The following WDPCP variants were observed in gnomAD, a reference collection of about 807,000 sequenced individuals.
WDPCP encodes WD repeat containing planar cell polarity effector.
WDPCP carries 71 observed loss-of-function variants against 93.1 expected under a neutral mutation model. The ratio of observed to expected loss-of-function variants is 0.76; its 90% CI spans 0.63 to 0.93. The LOEUF (loss-of-function observed/expected upper bound fraction) is 0.93. WDPCP is among the 40% of genes least tolerant of loss of function. The pLI is 0.00. For missense variants in WDPCP, 844 were observed against 887.4 expected (o/e 0.95, Z 0.62); for synonymous variants, 315 against 315.0 (o/e 1.00, Z 0.00).
chr2:63,284,826 C>G (rs1683858886), intron 13 of WDPCP, among the ~76,000 whole-genome samples: 1 of 152,122 alleles, frequency 6.6e-6, no homozygotes, highest in African/African-American at 2.4e-5. Context: ...CTGCAGTTGA[C>G]TGTGGGTAAC....
At chr2:63,821,982 T>G (rs1355185630) in intron 1 of WDPCP, among the ~76,000 whole-genome samples, 1 of 152,130 alleles carries the variant, frequency 6.6e-6, no homozygotes, top group African/African-American at 2.4e-5. Flanking sequence ...GGATTACGAT[T>G]GTTGAGATAT....
At chr2:63,168,863 G>C (rs1004095178) in intron 15 of WDPCP, 3 of 152,250 alleles carry the variant, frequency 2.0e-5, no homozygotes, top group Non-Finnish European at 2.9e-5. Flanking sequence ...AAAATAAAAA[G>C]TAAATGGTAG....
At chr2:63,472,637 G>T (rs567907873) in intron 6 of WDPCP, among the ~76,000 whole-genome samples, 1 of 151,994 alleles carries the variant, frequency 6.6e-6, no homozygotes, top group Non-Finnish European at 1.5e-5. Flanking sequence ...CTCCCAGGCT[G>T]GAGTACAGTA....
At chr2:63,839,400 A>C in the WDPCP span, among the ~76,000 whole-genome samples, 4 of 152,224 alleles carry the variant, frequency 2.6e-5, no homozygotes, top group Non-Finnish European at 4.4e-5. Flanking sequence ...TCTACTAAAA[A>C]TACAAACATT....
chr2:63,665,498 C>T (rs537378939), intron 2 of WDPCP, among the ~76,000 whole-genome samples: 2 of 152,184 alleles, frequency 1.3e-5, no homozygotes, highest in East Asian at 3.9e-4. Flanking sequence ...ATGACCTAAT[C>T]ATAACTAATT....
intron 2 of WDPCP, among the ~76,000 whole-genome samples, chr2:63,706,608 T>C (rs1669158328): frequency 1.5e-5 from 2 of 131,266 alleles, no homozygotes; most frequent in Non-Finnish European, 3.3e-5. Context: ...TTCTTTTTTT[T>C]TTTTTTTTTT....
chr2:63,188,429 T>G (rs1674796414), intron 14 of WDPCP, among the ~76,000 whole-genome samples: 1 of 151,636 alleles, frequency 6.6e-6, no homozygotes, highest in African/African-American at 2.4e-5. Flanking sequence ...TTCTTCTGCT[T>G]GCTTAAGTCT....
At chr2:63,469,372 G>A (rs550702452) in intron 6 of WDPCP, among the ~76,000 whole-genome samples, 1 of 152,126 alleles carries the variant, frequency 6.6e-6, no homozygotes, top group African/African-American at 2.4e-5. Context: ...AATATAAATA[G>A]TTCTATCATA....
At chr2:63,294,541 G>GA (rs960470675) in intron 13 of WDPCP, among the ~76,000 whole-genome samples, 9 of 87,658 alleles carry the variant, frequency 1.0e-4, no homozygotes, top group African/African-American at 3.4e-4. Context: ...AGTGCTGAAA[G>GA]AAAAAAAATG....
At chr2:63,527,008 G>A (rs1031431948) in intron 1 of WDPCP, among the ~76,000 whole-genome samples, 1 of 152,156 alleles carries the variant, frequency 6.6e-6, no homozygotes, top group Non-Finnish European at 1.5e-5. Flanking sequence ...CATAAACTTA[G>A]AGTGTCAGCC....
chr2:63,525,409 A>G (rs1424277323), intron 1 of WDPCP, among the ~76,000 whole-genome samples: 1 of 152,238 alleles, frequency 6.6e-6, no homozygotes, highest in African/African-American at 2.4e-5. Context: ...AAATTTAAAA[A>G]AATAAAAACT....
rs769046869 is a variant in WDPCP, at chr2:63,143,084, G to A, written c.2190+9830C>T. Among the ~76,000 whole-genome samples, 14 of 152,106 alleles carry A rather than the reference G, an allele frequency of 9.2e-5. No homozygotes were observed. The East Asian group carries it at 1.6e-3, about 17-fold the overall frequency. ...TCCTGCCCCAGCCTCGTGGAGTAGC[G>A]GGGACTACAGGCACATGTCACCGCA... On this transcript the variant is annotated intron_variant, in intron 17 of 17. Transcript: ENST00000272321.
chr2:63,320,675 A>C (rs777361260), intron 12 of WDPCP, among the ~76,000 whole-genome samples: 19 of 152,146 alleles, frequency 1.2e-4, no homozygotes, highest in Non-Finnish European at 2.4e-4. Context: ...GCACCACTAA[A>C]AAAACAGTGC....
intron 6 of WDPCP, chr2:63,441,945 G>A (rs962143178): frequency 3.9e-5 from 6 of 152,076 alleles, no homozygotes; most frequent in Non-Finnish European, 5.9e-5. Flanking sequence ...GAAAGAGGTC[G>A]AGATCAAAGC....
intron 9 of WDPCP, among the ~76,000 whole-genome samples, chr2:63,415,193 C>A (rs1695326340): frequency 1.3e-5 from 2 of 152,120 alleles, no homozygotes; most frequent in Admixed American, 6.5e-5. Context: ...AAGACCTCGT[C>A]TCTACAAAAA....
intron 14 of WDPCP, among the ~76,000 whole-genome samples, chr2:63,221,490 A>G (rs1677826488): frequency 6.6e-6 from 1 of 152,222 alleles, no homozygotes; most frequent in Non-Finnish European, 1.5e-5. Flanking sequence ...TCAGGATTAA[A>G]GGTCATCCTT....
intron 12 of WDPCP, among the ~76,000 whole-genome samples, chr2:63,318,373 C>T (rs1304682649): frequency 6.6e-6 from 1 of 152,180 alleles, no homozygotes; most frequent in Non-Finnish European, 1.5e-5. Flanking sequence ...TCTCAAAGAA[C>T]TTAAAACAGA....
intron 1 of WDPCP, among the ~76,000 whole-genome samples, chr2:63,503,463 A>G (rs758292858): frequency 2.6e-5 from 4 of 152,156 alleles, no homozygotes; most frequent in Non-Finnish European, 5.9e-5. Flanking sequence ...AATAGTTTAT[A>G]TCAGGCATTG....
intron 14 of WDPCP, among the ~76,000 whole-genome samples, chr2:63,193,732 G>A (rs1675212023): frequency 1.3e-5 from 2 of 152,110 alleles, no homozygotes; most frequent in African/African-American, 4.8e-5. Flanking sequence ...TATAAGCTAA[G>A]TGATTTTTTT....
Sources: allele counts gnomAD v4.1 joint callset (sites outside exome capture counted in the v4.1 genomes callset), GRCh38; gene constraint gnomAD v4.1.1; transcripts MANE v1.5; gene names NCBI Gene and HGNC (gene_info 2026-07-23, HGNC 2026-07-21).